Variants in MACROD2 observed in about 807,000 individuals in gnomAD.
MACROD2 encodes the protein mono-ADP ribosylhydrolase 2, also known as ADP-ribose glycohydrolase MACROD2.
In MACROD2, 36 loss-of-function variants were observed where a neutral mutation model predicts 70.4. The observed-to-expected ratio is 0.51, with a 90% confidence interval of 0.39 to 0.68. The LOEUF (loss-of-function observed/expected upper bound fraction) is 0.68. MACROD2 is among the 30% of genes least tolerant of loss of function. MACROD2 has a pLI of 0.00. For synonymous variants in MACROD2, 172 were observed against 178.8 expected (o/e 0.96, Z 0.30); for missense variants, 496 against 538.4 (o/e 0.92, Z 0.78).
chr20:14,611,172 T>C (rs1261477115), intron 4 of MACROD2, among the ~76,000 whole-genome samples: 1 of 152,136 alleles, frequency 6.6e-6, no homozygotes, highest in Admixed American at 6.6e-5. Flanking sequence ...AAGCCACTTA[T>C]TATCTGCAAG....
At chr20:14,525,532 T>C (rs2085221174) in intron 4 of MACROD2, among the ~76,000 whole-genome samples, 1 of 152,204 alleles carries the variant, frequency 6.6e-6, no homozygotes, top group East Asian at 1.9e-4. Flanking sequence ...GCTTATGTAA[T>C]GAATAAATGA....
chr20:14,129,359 A>C (rs538687998), intron 3 of MACROD2, among the ~76,000 whole-genome samples: 2 of 152,354 alleles, frequency 1.3e-5, no homozygotes, highest in South Asian at 4.1e-4. Context: ...TTAGAAGTGA[A>C]ATTCTAAAGA....
chr20:14,019,407 G>C (rs766166526), intron 2 of MACROD2, among the ~76,000 whole-genome samples: 3 of 152,064 alleles, frequency 2.0e-5, no homozygotes, highest in Non-Finnish European at 4.4e-5. Flanking sequence ...GAGGAGCTGG[G>C]ACCAGGCACG....
intron 4 of MACROD2, among the ~76,000 whole-genome samples, chr20:14,625,403 G>T (rs1984087746): frequency 6.6e-6 from 1 of 152,052 alleles, no homozygotes; most frequent in African/African-American, 2.4e-5. Flanking sequence ...CCTATTGAAT[G>T]GTCATGAAGT....
At chr20:14,559,316 GAATTT>G (rs1979270074) in intron 4 of MACROD2, among the ~76,000 whole-genome samples, 5 of 151,078 alleles carry the variant, frequency 3.3e-5, no homozygotes. Context: ...TAAAATATAT[GAATTT>G]AATTTACACA....
At chr20:15,677,948 C>G (rs992630614) in intron 8 of MACROD2, among the ~76,000 whole-genome samples, 3 of 151,960 alleles carry the variant, frequency 2.0e-5, no homozygotes, top group African/African-American at 7.3e-5. Flanking sequence ...ACCTGTAATC[C>G]CAGCTACTCG....
chr20:14,097,383 G>T (rs1476544825), intron 3 of MACROD2, among the ~76,000 whole-genome samples: 2 of 152,158 alleles, frequency 1.3e-5, no homozygotes, highest in East Asian at 3.8e-4. Context: ...TATGAAAAAC[G>T]AATGATAACT....
At chr20:15,865,342 T>TTAA (rs2064476626) in intron 9 of MACROD2, among the ~76,000 whole-genome samples, 1 of 47,572 alleles carries the variant, frequency 2.1e-5, no homozygotes, top group East Asian at 8.5e-4. Context: ...CTATTACAGT[T>TTAA]CAATAATAAT....
At chr20:15,458,620 T>C (rs2046762957) in intron 7 of MACROD2, among the ~76,000 whole-genome samples, 2 of 145,240 alleles carry the variant, frequency 1.4e-5, no homozygotes, top group Non-Finnish European at 3.0e-5. Flanking sequence ...TGTTTTTTTG[T>C]TTTTTTGTTT....
chr20:15,618,095 C>CA (rs1476603014), intron 8 of MACROD2, among the ~76,000 whole-genome samples: 2 of 70,840 alleles, frequency 2.8e-5, no homozygotes, highest in Non-Finnish European at 5.0e-5. Context: ...CATCATTAGT[C>CA]TTTTTTTTTT....
chr20:14,757,677 T>C (rs2123746772), intron 5 of MACROD2: 1 of 1,377,178 alleles, frequency 7.3e-7, no homozygotes, highest in Non-Finnish European at 1.0e-6. Flanking sequence ...GACAAGAATG[T>C]GTCCAACCTT....
At chr20:15,060,237 G>A (rs184827197) in intron 5 of MACROD2, among the ~76,000 whole-genome samples, 16 of 152,272 alleles carry the variant, frequency 1.1e-4, no homozygotes, top group South Asian at 8.3e-4. Flanking sequence ...TTCTGGTTGC[G>A]TTGGCTAAAA....
intron 5 of MACROD2, among the ~76,000 whole-genome samples, chr20:14,800,060 G>A (rs368342762): frequency 1.5e-5 from 2 of 134,284 alleles, no homozygotes; most frequent in Non-Finnish European, 3.2e-5. Flanking sequence ...GTTCCATCAC[G>A]ACCACCTTTG....
chr20:14,877,332 G>C (rs1220989643), intron 5 of MACROD2, among the ~76,000 whole-genome samples: 2 of 151,852 alleles, frequency 1.3e-5, no homozygotes, highest in African/African-American at 2.4e-5. Flanking sequence ...TAAAGTCATT[G>C]TTCAATTCTA....
intron 5 of MACROD2, among the ~76,000 whole-genome samples, chr20:14,960,925 G>A (rs562225473): frequency 2.4e-4 from 37 of 152,236 alleles, no homozygotes; most frequent in African/African-American, 8.7e-4. Flanking sequence ...TCACATTTCT[G>A]CCCACATGGT....
At position 14,137,235 on chromosome 20, in the gene MACROD2, T is replaced by C. The variant is rs113983471; in HGVS notation, c.271+51507T>C. 2.8e-4 allele frequency among the ~76,000 whole-genome samples: 43 copies of C among 152,260 alleles called. 1 individual carries two copies. The highest frequency in any genetic ancestry group is 9.4e-4 in the African/African-American group (39 of 41,554). On this transcript the variant is annotated intron_variant, in intron 3 of 17. Coordinates refer to ENST00000684519, the MANE Select transcript of MACROD2 (RefSeq NM_001351661.2). ...AACATAAACAGTTGATTAACACATG[T>C]TTTGTAGGTTATATGTATTACATAC... is the stretch of plus-strand genomic sequence containing the variant.
chr20:15,340,778 T>C (rs904594322), intron 6 of MACROD2, among the ~76,000 whole-genome samples: 2 of 152,000 alleles, frequency 1.3e-5, no homozygotes, highest in African/African-American at 4.8e-5. Flanking sequence ...CACACACTTT[T>C]TTTTTTTTGC....
intron 3 of MACROD2, among the ~76,000 whole-genome samples, chr20:14,182,698 A>T (rs1373483507): frequency 6.6e-6 from 1 of 152,078 alleles, no homozygotes; most frequent in South Asian, 2.1e-4. Flanking sequence ...GTTAGTTTTT[A>T]AAAATACTCT....
At chr20:15,310,330 G>T (rs2077738797) in intron 6 of MACROD2, among the ~76,000 whole-genome samples, 1 of 152,138 alleles carries the variant, frequency 6.6e-6, no homozygotes. Flanking sequence ...AGCCTAAAAT[G>T]CCTTGCTCTG....
Sources: gnomAD v4.1 joint callset for allele counts (sites outside exome capture counted in the v4.1 genomes callset) on GRCh38, gnomAD v4.1.1 for gene constraint, MANE v1.5 for transcripts, NCBI Gene and HGNC (gene_info 2026-07-23, HGNC 2026-07-21) for gene names.